Variants in B3GALT1 observed in about 807,000 individuals in gnomAD.
The protein encoded by B3GALT1 is UDP-Gal:betaGlcNAc beta 1,3-galactosyltransferase, polypeptide 1.
In B3GALT1, 10 loss-of-function variants were observed where a neutral mutation model predicts 23.2. The ratio of observed to expected loss-of-function variants is 0.43; its 90% CI spans 0.27 to 0.73. The LOEUF is 0.73. Among genes scored for constraint, B3GALT1 ranks in the 30% least tolerant of loss-of-function variants. The pLI is 0.21. For missense variants in B3GALT1, 299 were observed against 405.4 expected, an observed-to-expected ratio of 0.74 and a Z score of 2.25; for synonymous variants, 156 against 141.5, an observed-to-expected ratio of 1.10 and a Z score of -0.73.
chr2:167,732,643 T>C (rs961037649), intron 3 of B3GALT1, among the ~76,000 whole-genome samples: 1 of 152,076 alleles, frequency 6.6e-6, no homozygotes, highest in Non-Finnish European at 1.5e-5. Flanking sequence ...TTGAATAAGG[T>C]TGGGGAGGGA....
chr2:167,535,781 A>G (rs1683407436), intron 2 of B3GALT1, among the ~76,000 whole-genome samples: 1 of 152,178 alleles, frequency 6.6e-6, no homozygotes, highest in African/African-American at 2.4e-5. Flanking sequence ...CTCCTGTTAC[A>G]TAGAATACAA....
At chr2:167,648,486 T>C (rs1372994080) in intron 3 of B3GALT1, among the ~76,000 whole-genome samples, 1 of 152,104 alleles carries the variant, frequency 6.6e-6, no homozygotes, top group East Asian at 1.9e-4. Context: ...TTCCTACCCA[T>C]TTCTTAGGAT....
intron 2 of B3GALT1, among the ~76,000 whole-genome samples, chr2:167,531,184 AT>A (rs1683319880): frequency 2.0e-5 from 3 of 152,200 alleles, no homozygotes. Context: ...CAAAGTAATA[AT>A]TACTTCATCT....
chr2:167,383,451 G>A lies in B3GALT1; in HGVS notation c.-511+90117G>A, dbSNP rs1444244202. Reference sequence around the variant, plus strand: ...ATATGCTTGTCCAACTTTCATCCTGGATAACGCCTACACATCCTGCAGAGG... The same window carrying A: ...ATATGCTTGTCCAACTTTCATCCTGAATAACGCCTACACATCCTGCAGAGG... On this transcript the variant is annotated intron_variant, in intron 1 of 4. Transcript: ENST00000392690. Among the ~76,000 whole-genome samples the A allele has an allele frequency of 2.0e-5, 3 of 152,062 alleles. No homozygotes were observed. In the South Asian group the frequency reaches 6.2e-4, roughly 32 times the overall value.
chr2:167,674,232 A>T (rs1339382723), intron 3 of B3GALT1, among the ~76,000 whole-genome samples: 1 of 152,172 alleles, frequency 6.6e-6, no homozygotes, highest in East Asian at 1.9e-4. Flanking sequence ...CCTGCCAACA[A>T]TCTGTTCAGA....
At chr2:167,437,130 A>G (rs1698798870) in intron 1 of B3GALT1, among the ~76,000 whole-genome samples, 1 of 152,128 alleles carries the variant, frequency 6.6e-6, no homozygotes, top group Non-Finnish European at 1.5e-5. Flanking sequence ...CTGAATTCCC[A>G]CTAGGTGAAG....
At chr2:167,490,019 GT>G (rs1379242981) in intron 1 of B3GALT1, among the ~76,000 whole-genome samples, 157 bp from the exon 2 acceptor site, 1 of 152,148 alleles carries the variant, frequency 6.6e-6, no homozygotes, top group African/African-American at 2.4e-5. Context: ...CAAATTAAGT[GT>G]TCCTCAAGTG....
intron 1 of B3GALT1, among the ~76,000 whole-genome samples, chr2:167,383,044 T>G (rs1386698174): frequency 6.6e-6 from 1 of 152,304 alleles, no homozygotes; most frequent in South Asian, 2.1e-4. Flanking sequence ...ACTTGGATGA[T>G]GTACACCTTG....
At chr2:167,753,376 G>A (rs1277316322) in intron 3 of B3GALT1, among the ~76,000 whole-genome samples, 1 of 152,212 alleles carries the variant, frequency 6.6e-6, no homozygotes, top group East Asian at 1.9e-4. Context: ...CTGACCAGCA[G>A]GTGAAACCCA....
chr2:167,798,157 C>T (rs7594948), intron 3 of B3GALT1, among the ~76,000 whole-genome samples: 2 of 152,006 alleles, frequency 1.3e-5, no homozygotes, highest in Non-Finnish European at 2.9e-5. Flanking sequence ...TTGTAAATTT[C>T]TTTAAGTTTC....
chr2:167,320,808 C>T (rs1299995044), intron 1 of B3GALT1, among the ~76,000 whole-genome samples: 1 of 151,660 alleles, frequency 6.6e-6, no homozygotes, highest in Non-Finnish European at 1.5e-5. Context: ...TAGTCATTGC[C>T]ACTATGTAAT....
intron 3 of B3GALT1, among the ~76,000 whole-genome samples, chr2:167,736,703 A>C (rs1380381646): frequency 6.6e-6 from 1 of 152,088 alleles, no homozygotes; most frequent in Non-Finnish European, 1.5e-5. Flanking sequence ...GGAGTTTGAG[A>C]CCAACCTGGC....
intron 2 of B3GALT1, among the ~76,000 whole-genome samples, chr2:167,536,922 G>A (rs905536943): frequency 4.6e-5 from 7 of 152,004 alleles, no homozygotes; most frequent in African/African-American, 1.2e-4. Flanking sequence ...ACTCTATTTC[G>A]GAAGGTAAAC....
intron 2 of B3GALT1, among the ~76,000 whole-genome samples, chr2:167,624,638 T>C (rs1340251543): frequency 6.6e-6 from 1 of 152,068 alleles, no homozygotes; most frequent in Non-Finnish European, 1.5e-5. Context: ...TTTAAATTTA[T>C]ATCCACTATA....
rs554756547 is a variant in B3GALT1 at position 167,605,495 on chromosome 2, G to A, written c.-409-41414G>A. On this transcript the variant is annotated intron_variant, in intron 2 of 4. Transcript: ENST00000392690. ...GAGGGCTCAGATGGCATGTCAACCC[G>A]AGTGCCTTGTGTCTCCTCAGGGTGC... Among the ~76,000 whole-genome samples the A allele has an allele frequency of 1.9e-3, 286 of 152,200 alleles. 2 individuals are homozygous for A. In the East Asian group the frequency reaches 0.035, roughly 19 times the overall value.
chr2:167,364,279 A>G (rs1697549529), intron 1 of B3GALT1, among the ~76,000 whole-genome samples: 1 of 151,360 alleles, frequency 6.6e-6, no homozygotes, highest in South Asian at 2.1e-4. Flanking sequence ...AGTTTGCATA[A>G]GCCCAAAGAC....
At chr2:167,343,646 C>T (rs1305367081) in intron 1 of B3GALT1, among the ~76,000 whole-genome samples, 1 of 152,088 alleles carries the variant, frequency 6.6e-6, no homozygotes, top group African/African-American at 2.4e-5. Flanking sequence ...AAAGCATGCC[C>T]ATTGTCCTCC....
intron 2 of B3GALT1, among the ~76,000 whole-genome samples, chr2:167,634,165 C>T (rs1685508603): frequency 6.6e-6 from 1 of 152,038 alleles, no homozygotes; most frequent in African/African-American, 2.4e-5. Flanking sequence ...AACAAATACA[C>T]AACATAGCAG....
At chr2:167,516,557 T>C (rs981376170) in intron 2 of B3GALT1, among the ~76,000 whole-genome samples, 1 of 152,068 alleles carries the variant, frequency 6.6e-6, no homozygotes, top group Non-Finnish European at 1.5e-5. Context: ...TTAAACTCTA[T>C]AGGCCTCTAT....
Sources: allele counts gnomAD v4.1 joint callset (sites outside exome capture counted in the v4.1 genomes callset), GRCh38; gene constraint gnomAD v4.1.1; transcripts MANE v1.5; gene names NCBI Gene and HGNC (gene_info 2026-07-23, HGNC 2026-07-21).